Variants in KCND2 observed in about 807,000 individuals in gnomAD.
KCND2 encodes potassium voltage-gated channel subfamily D member 2.
In KCND2, 16 loss-of-function variants were observed where a neutral mutation model predicts 54.4. The ratio of observed to expected loss-of-function variants is 0.29; its 90% CI spans 0.20 to 0.45. The LOEUF is 0.45. Among genes scored for constraint, KCND2 ranks in the 20% least tolerant of loss-of-function variants. The pLI, the probability that KCND2 is intolerant of heterozygous loss-of-function variation, is 1.00. For missense variants in KCND2, 486 were observed against 824.2 expected (o/e 0.59, Z 5.02); for synonymous variants, 317 against 310.7 (o/e 1.02, Z -0.21).
chr7:120,708,683 C>T (rs749561156), intron 1 of KCND2, among the ~76,000 whole-genome samples: 4 of 152,068 alleles, frequency 2.6e-5, no homozygotes, highest in Admixed American at 6.6e-5. Flanking sequence ...ACCCTTTTCC[C>T]AATTATCTTT....
Position 120,678,215 on chromosome 7 carries a change from A to G in KCND2, c.1116-54688A>G, listed in dbSNP as rs1014355272. 1.0e-3 allele frequency among the ~76,000 whole-genome samples: 155 copies of G among 151,716 alleles called. 1 individual carries two copies. Among genetic ancestry groups the G allele is most frequent in the African/African-American group, 3.6e-3 (149 of 41,474 alleles). The stretch of plus-strand genomic sequence containing the variant: ...TGACCTTAGCAAGAACATCGCTTAC[A>G]TTTATACTAGCATCTAAATAAGCAT... On this transcript the variant is annotated intron_variant, in intron 1 of 5. Coordinates refer to ENST00000331113, the MANE Select transcript of KCND2 (RefSeq NM_012281.3).
intron 2 of KCND2, 92 bp downstream of exon 2, chr7:120,733,157 A>AT: frequency 7.6e-7 from 1 of 1,318,516 alleles, no homozygotes; most frequent in South Asian, 1.2e-5. Context: ...AGTGCTCTGG[A>AT]TTGGTCAGTA....
In KCND2 at chr7:120,588,235, G is replaced by GGT. The variant is rs1181221587; in HGVS notation, c.1116-144660_1116-144659dup. On this transcript the variant is annotated intron_variant, in intron 1 of 5. Transcript: ENST00000331113. ...CATCCCTTGGCTTTATAGTCTAACA[G>GGT]GTGTGTGTGAGGTTTAAAAGTTCCT... is the stretch of plus-strand genomic sequence containing the variant. 3.9e-5 allele frequency among the ~76,000 whole-genome samples: 6 copies of GGT among 152,144 alleles called. No individual in the cohort carries two copies. In the East Asian group the frequency reaches 1.2e-3, roughly 29 times the overall value.
chr7:120,521,859 G>T (rs1791699813), intron 1 of KCND2, among the ~76,000 whole-genome samples: 1 of 152,070 alleles, frequency 6.6e-6, no homozygotes, highest in South Asian at 2.1e-4. Context: ...ATAATCTATT[G>T]GGTAGGTTGG....
At chr7:120,634,276 A>G (rs1793276573) in intron 1 of KCND2, among the ~76,000 whole-genome samples, 3 of 152,136 alleles carry the variant, frequency 2.0e-5, no homozygotes, top group African/African-American at 7.2e-5. Context: ...CGACACCAAT[A>G]TTTTATTTAT....
chr7:120,700,947 C>T (rs1009823793), intron 1 of KCND2, among the ~76,000 whole-genome samples: 5 of 152,094 alleles, frequency 3.3e-5, no homozygotes, highest in Admixed American at 3.3e-4. Flanking sequence ...GATGTGATGA[C>T]TCCATAAAAT....
intron 1 of KCND2, among the ~76,000 whole-genome samples, chr7:120,481,765 G>C (rs977530125): frequency 8.5e-5 from 13 of 152,188 alleles, no homozygotes; most frequent in African/African-American, 2.9e-4. Context: ...GAAGGTACAA[G>C]CTGTAAATTT....
intron 1 of KCND2, among the ~76,000 whole-genome samples, chr7:120,414,375 AC>A (rs1801496534): frequency 6.6e-6 from 1 of 152,174 alleles, no homozygotes; most frequent in South Asian, 2.1e-4. Context: ...TTGTCCAATT[AC>A]CATTACTCCC....
intron 1 of KCND2, among the ~76,000 whole-genome samples, chr7:120,316,907 C>G (rs1477367724): frequency 6.6e-6 from 1 of 151,810 alleles, no homozygotes; most frequent in East Asian, 1.9e-4. Context: ...GCAATCTCAG[C>G]TCACAGCAAC....
At chr7:120,589,492 GAGAC>G (rs143131642) in intron 1 of KCND2, among the ~76,000 whole-genome samples, 1,808 of 152,268 alleles carry the variant, frequency 0.012, 32 homozygotes, top group African/African-American at 0.041. Flanking sequence ...ACTTGTCAAG[GAGAC>G]AGACAGAGTC....
intron 1 of KCND2, among the ~76,000 whole-genome samples, chr7:120,493,239 CT>C (rs531074906): frequency 1.5e-3 from 221 of 151,282 alleles, no homozygotes; most frequent in African/African-American, 5.0e-3. Context: ...AGTTTCTGTT[CT>C]TTTCCCACAC....
At chr7:120,465,107 C>T (rs1802348519) in intron 1 of KCND2, among the ~76,000 whole-genome samples, 1 of 151,976 alleles carries the variant, frequency 6.6e-6, no homozygotes, top group Non-Finnish European at 1.5e-5. Flanking sequence ...GTCTTTTTTA[C>T]AGAGGTAGGT....
chr7:120,476,938 C>T (rs1802542543), intron 1 of KCND2, among the ~76,000 whole-genome samples: 2 of 152,290 alleles, frequency 1.3e-5, no homozygotes, highest in Admixed American at 6.5e-5. Context: ...GAAAGGTTGG[C>T]CTCATCTCTT....
At chr7:120,606,374 A>G (rs1398407587) in intron 1 of KCND2, among the ~76,000 whole-genome samples, 1 of 151,994 alleles carries the variant, frequency 6.6e-6, no homozygotes, top group Non-Finnish European at 1.5e-5. Context: ...CAATACTTTT[A>G]ATTTTGATGA....
chr7:120,550,508 T>C (rs1792092826), intron 1 of KCND2, among the ~76,000 whole-genome samples: 2 of 152,116 alleles, frequency 1.3e-5, no homozygotes, highest in Admixed American at 6.6e-5. Flanking sequence ...GTTGGCCAAA[T>C]ATCATTGCAG....
intron 1 of KCND2, among the ~76,000 whole-genome samples, chr7:120,691,682 G>C (rs1792270969): frequency 6.6e-6 from 1 of 152,020 alleles, no homozygotes; most frequent in East Asian, 1.9e-4. Context: ...CCGAGGAAGA[G>C]GTCTAACCTG....
intron 1 of KCND2, among the ~76,000 whole-genome samples, chr7:120,660,224 C>A (rs1343941375): frequency 6.6e-6 from 1 of 152,160 alleles, no homozygotes; most frequent in African/African-American, 2.4e-5. Context: ...TGACTCCTAT[C>A]GTCAGTTCTG....
At chr7:120,313,908 T>TAAACCTTTGTAAGGTTTGTAACCTTAC (rs1350736123) in intron 1 of KCND2, among the ~76,000 whole-genome samples, 9 of 151,998 alleles carry the variant, frequency 5.9e-5, no homozygotes, top group Non-Finnish European at 1.2e-4. Flanking sequence ...ACCTCTATTT[T>TAAACCTTTGTAAGGTTTGTAACCTTAC]AAACCTTTGT....
intron 1 of KCND2, among the ~76,000 whole-genome samples, chr7:120,562,321 A>G (rs1023164569): frequency 6.6e-6 from 1 of 152,238 alleles, no homozygotes; most frequent in Non-Finnish European, 1.5e-5. Context: ...AGAACGTTAT[A>G]TGAGGAATTC....
Sources: allele counts gnomAD v4.1 joint callset (sites outside exome capture counted in the v4.1 genomes callset), GRCh38; gene constraint gnomAD v4.1.1; transcripts MANE v1.5; gene names NCBI Gene and HGNC (gene_info 2026-07-23, HGNC 2026-07-21).